Variants in NID2 observed in about 807,000 individuals in gnomAD.
NID2 encodes nidogen-2.
Under a neutral mutation model 145.4 loss-of-function variants are expected in NID2, and 83 were observed. That is an observed-to-expected ratio of 0.57 (90% CI 0.48 to 0.69). The LOEUF is 0.69. Ranked by LOEUF, NID2 falls within the 30% of genes least tolerant of loss-of-function variation. The probability of loss-of-function intolerance (pLI) is 0.00; values close to 1 mark genes in which losing one functional copy is unlikely to be tolerated. For synonymous variants in NID2, 739 were observed against 701.3 expected (o/e 1.05, Z -0.85); for missense variants, 1,807 against 1,765.7 (o/e 1.02, Z -0.42).
At chr14:52,014,972 C>T in intron 15 of NID2, 82 bp downstream of exon 15, 1 of 1,148,390 alleles carries the variant, frequency 8.7e-7, no homozygotes, top group South Asian at 1.4e-5. Flanking sequence ...CCCACATGTC[C>T]CCCCACTTCA....
intron 12 of NID2, among the ~76,000 whole-genome samples, chr14:52,025,497 T>C (rs1891559333): frequency 6.6e-6 from 1 of 152,190 alleles, no homozygotes; most frequent in Admixed American, 6.5e-5. Context: ...GTCAATTTCC[T>C]GTTGTTTATA....
chr14:52,021,726 C>T (rs375989058), intron 12 of NID2, among the ~76,000 whole-genome samples: 21 of 152,320 alleles, frequency 1.4e-4, no homozygotes, highest in Admixed American at 3.9e-4. Flanking sequence ...ACCATCATTT[C>T]GCCTATAAAG....
chr14:52,044,920 G>A (rs78845021), intron 5 of NID2, among the ~76,000 whole-genome samples: 4 of 152,072 alleles, frequency 2.6e-5, no homozygotes, highest in Non-Finnish European at 5.9e-5. Context: ...CACCACTCTG[G>A]CCAGGGACAA....
intron 12 of NID2, among the ~76,000 whole-genome samples, chr14:52,021,222 G>GA (rs35210822): frequency 4.0e-5 from 6 of 150,782 alleles, no homozygotes; most frequent in African/African-American, 1.2e-4. Context: ...TGTGTGAATA[G>GA]AAAAAAAAAA....
intron 9 of NID2, among the ~76,000 whole-genome samples, chr14:52,034,496 T>C (rs2029981): frequency 0.84 from 127,448 of 152,212 alleles, 54,424 homozygotes; most frequent in East Asian, 0.97. Flanking sequence ...CATGTGTTCA[T>C]TTGCTACCTT....
chr14:52,060,124 T>C lies in NID2; in HGVS notation c.767A>G (p.Gln256Arg). 1 of 1,595,376 alleles carries C rather than the reference T, an allele frequency of 6.3e-7. No individual in the cohort carries two copies. The highest frequency in any genetic ancestry group is 8.6e-7 in the Non-Finnish European group (1 of 1,165,288). ...AGGGCTTCAGCTCAATGTTACTTAC[T>C]GATAGAGATTTTTCACAGACTGTTC... ...STEQSVKNLY[Q>R]LSNLGIPGVW... The change falls in exon 3 of 22, where the codon CAA becomes CGA. Residue 256 changes from glutamine to arginine, a missense_variant and splice_region_variant. Physicochemically the swap from Gln to Arg is conservative, Grantham distance 43. Coordinates refer to ENST00000216286, the MANE Select transcript of NID2 (RefSeq NM_007361.4).
At chr14:52,052,024 T>C (rs1892697032) in intron 5 of NID2, among the ~76,000 whole-genome samples, 1 of 152,200 alleles carries the variant, frequency 6.6e-6, no homozygotes, top group African/African-American at 2.4e-5. Context: ...GATCTGCTTT[T>C]TAATATTCCC....
intron 19 of NID2, 37 bp downstream of exon 19, chr14:52,007,773 G>A: frequency 6.4e-7 from 1 of 1,567,218 alleles, no homozygotes; most frequent in African/African-American, 1.4e-5. Context: ...TCACTGTGAT[G>A]AGAGGTTATC....
In NID2 at chr14:52,047,706, C is replaced by A. The variant is rs1430827759; in HGVS notation, c.1430-4775G>T. Among the ~76,000 whole-genome samples, 5 of 152,070 alleles carry A rather than the reference C, an allele frequency of 3.3e-5. No homozygotes were observed. In the East Asian group the frequency reaches 5.8e-4, roughly 18 times the overall value. On this transcript the variant is annotated intron_variant, in intron 5 of 21. Transcript: ENST00000216286. ...GATGTTCAGTCCTGATGTGGGAAAC[C>A]AAAAGGGTGGAGCTGCCAGTTACTG... is the stretch of plus-strand genomic sequence containing the variant.
In NID2 at chr14:52,014,343, G is replaced by C. The variant is rs766481681; in HGVS notation, c.3364C>G (p.Pro1122Ala). Residue 1122 changes from proline to alanine, a missense_variant, in exon 16 of 22, where the codon CCC becomes GCC. Coordinates refer to ENST00000216286, the MANE Select transcript of NID2 (RefSeq NM_007361.4). ...TTCTGAAGCCTGGTGCCATTGAGGG[G>C]TAAGTAGCCAATCTGCTGGCCCTGA... ...YTQGQQIGYL[P>A]LNGTRLQKDA... 72 of 1,614,142 alleles carry C rather than the reference G, an allele frequency of 4.5e-5. 2 individuals carry two copies. The South Asian group carries it at 7.0e-4, about 16-fold the overall frequency.
chr14:52,013,052 G>A (rs573123968), intron 16 of NID2, among the ~76,000 whole-genome samples: 3 of 152,224 alleles, frequency 2.0e-5, no homozygotes, highest in East Asian at 1.9e-4. Flanking sequence ...TTGAAAAGTC[G>A]TTTGTCCCAG....
Position 52,040,660 on chromosome 14 carries a change from A to C in NID2, c.2017T>G (p.Ser673Ala). ...ISPYKELYHY[S>A]DSTVTSTSSR... ...GACTGGTTATACATACTGGAGTCGGAGTAGTGGTACAGCTCCTTGTAGGGA... is the reference window on the plus strand; with the variant it reads ...GACTGGTTATACATACTGGAGTCGGCGTAGTGGTACAGCTCCTTGTAGGGA... The change falls in exon 8 of 22, where the codon TCC becomes GCC. Residue 673 changes from serine to alanine, a missense_variant. By Grantham distance (99) the Ser-to-Ala change is moderately conservative. Coordinates refer to ENST00000216286, the MANE Select transcript of NID2 (RefSeq NM_007361.4). 3 of 1,613,914 alleles carry C rather than the reference A, an allele frequency of 1.9e-6. No individual in the cohort carries two copies. The highest frequency in any genetic ancestry group is 2.5e-6 in the Non-Finnish European group (3 of 1,179,824).
At chr14:52,049,628 ATC>A (rs1406252253) in intron 5 of NID2, among the ~76,000 whole-genome samples, 2 of 152,066 alleles carry the variant, frequency 1.3e-5, no homozygotes, top group African/African-American at 2.4e-5. Flanking sequence ...AAGTTTTCCC[ATC>A]TCTCAGAATG....
intron 5 of NID2, among the ~76,000 whole-genome samples, chr14:52,048,682 G>A (rs1892587842): frequency 6.6e-6 from 1 of 152,098 alleles, no homozygotes; most frequent in Non-Finnish European, 1.5e-5. Context: ...TCAAATTGAG[G>A]GGGCATCAGA....
chr14:52,037,747 A>C (rs1892123435), intron 9 of NID2, among the ~76,000 whole-genome samples: 1 of 152,248 alleles, frequency 6.6e-6, no homozygotes, highest in Admixed American at 6.5e-5. Flanking sequence ...AAGTATTCAC[A>C]TCTTAACAGT....
At position 52,053,743 on chromosome 14, in the gene NID2, G is replaced by C. The variant is rs982358205; in HGVS notation, c.1265C>G (p.Pro422Arg). ...AGGCACTGGCCCTCCATCTGGGTAG[G>C]GCTGGATGCTTCCGTTTTCGGGGTA... ...PPYPENGSIQ[P>R]YPDGGPVPSE... Residue 422 changes from proline to arginine, a missense_variant, in exon 5 of 22, where the codon CCC becomes CGC. Transcript: ENST00000216286. 8 of 1,614,114 alleles carry C rather than the reference G, an allele frequency of 5.0e-6. No individual in the cohort carries two copies. Among genetic ancestry groups the C allele is most frequent in the Non-Finnish European group, 6.8e-6 (8 of 1,180,046 alleles).
At chr14:52,043,048 A>T in intron 5 of NID2, 117 bp from the exon 6 acceptor site, 1 of 969,642 alleles carries the variant, frequency 1.0e-6, no homozygotes, top group Non-Finnish European at 1.6e-6. Context: ...ACAGTTTTTG[A>T]TGTTTAAGAG....
At chr14:52,020,628 T>C (rs1461114952) in intron 12 of NID2, among the ~76,000 whole-genome samples, 1 of 152,196 alleles carries the variant, frequency 6.6e-6, no homozygotes, top group Admixed American at 6.5e-5. Flanking sequence ...CATTCGTCTG[T>C]AGATGCAAAG....
chr14:52,024,225 T>G (rs1436754954), intron 12 of NID2, among the ~76,000 whole-genome samples: 1 of 152,182 alleles, frequency 6.6e-6, no homozygotes. Flanking sequence ...GTATTCATGG[T>G]CTTGTGTAAT....
Sources: gnomAD v4.1 joint callset for allele counts (sites outside exome capture counted in the v4.1 genomes callset) on GRCh38, gnomAD v4.1.1 for gene constraint, MANE v1.5 for transcripts, NCBI Gene and HGNC (gene_info 2026-07-23, HGNC 2026-07-21) for gene names.